The following FAM124B variants were observed in gnomAD, a reference collection of about 807,000 sequenced individuals.
FAM124B encodes the protein family with sequence similarity 124 member B, also known as protein FAM124B.
A neutral mutation model predicts 19.7 loss-of-function variants in FAM124B; 18 were observed. The observed-to-expected ratio is 0.92, with a 90% CI of 0.63 to 1.36. FAM124B has a LOEUF of 1.36. Ranked by LOEUF, FAM124B falls within the 40% of genes most tolerant of loss-of-function variation. FAM124B has a pLI of 0.00. For missense variants in FAM124B, 540 were observed against 553.3 expected, an observed-to-expected ratio of 0.98 and a Z score of 0.24; for synonymous variants, 223 against 225.2, an observed-to-expected ratio of 0.99 and a Z score of 0.09.
intron 1 of FAM124B, among the ~76,000 whole-genome samples, chr2:224,382,998 T>C (rs930852182): frequency 3.9e-5 from 6 of 152,046 alleles, no homozygotes; most frequent in African/African-American, 1.4e-4. Flanking sequence ...GAAGAGAGCT[T>C]CCACCAGCAT....
At chr2:224,389,055 C>A (rs1417812765) in intron 1 of FAM124B, among the ~76,000 whole-genome samples, 2 of 152,200 alleles carry the variant, frequency 1.3e-5, no homozygotes, top group African/African-American at 2.4e-5. Flanking sequence ...CCTCAGCCTC[C>A]CGTGTAGCTG....
intron 1 of FAM124B, among the ~76,000 whole-genome samples, chr2:224,391,758 T>C (rs572768403): frequency 3.3e-4 from 50 of 152,334 alleles, no homozygotes; most frequent in African/African-American, 1.2e-3. Flanking sequence ...CGGGTGACTA[T>C]AGGCAAGTTG....
intron 1 of FAM124B, among the ~76,000 whole-genome samples, chr2:224,386,469 C>T (rs1689801401): frequency 6.6e-6 from 1 of 152,120 alleles, no homozygotes; most frequent in African/African-American, 2.4e-5. Flanking sequence ...CCCTCAGTTT[C>T]CTTATATGGA....
intron 1 of FAM124B, among the ~76,000 whole-genome samples, chr2:224,385,212 A>G (rs771528398): frequency 5.6e-4 from 85 of 152,184 alleles, no homozygotes; most frequent in Admixed American, 1.4e-3. Context: ...TACCACTCCA[A>G]TGAAATTGCT....
chr2:224,380,126 A>T lies in FAM124B; in HGVS notation c.815T>A (p.Val272Asp), dbSNP rs1402464592. The change falls in exon 2 of 2, where the codon GTC (valine) becomes GAC (aspartate). Residue 272 changes from valine to aspartate, a missense_variant. Physicochemically the swap from Val to Asp is radical, Grantham distance 152. Transcript: ENST00000409685. The part of the protein sequence containing the change: ...MLPLGSRLTS[V>D]SAKRTSEPRS... Reference sequence around the variant, plus strand: ...GGGTTCTGAGGTCCTCTTTGCAGAGACAGAAGTCAGCCTGGAGCCCAGGGG... The same window carrying T: ...GGGTTCTGAGGTCCTCTTTGCAGAGTCAGAAGTCAGCCTGGAGCCCAGGGG... 6.4e-7 allele frequency: 1 copy of T among 1,551,574 alleles called. No homozygotes were observed. The highest frequency in any genetic ancestry group is 8.7e-7 in the Non-Finnish European group (1 of 1,146,968).
At chr2:224,391,079 A>G (rs1248245312) in intron 1 of FAM124B, among the ~76,000 whole-genome samples, 1 of 150,132 alleles carries the variant, frequency 6.7e-6, no homozygotes, top group Non-Finnish European at 1.5e-5. Flanking sequence ...GCGGTGGCTC[A>G]TGCCTGTAAT....
intron 1 of FAM124B, among the ~76,000 whole-genome samples, chr2:224,381,461 C>G (rs1451151653): frequency 6.6e-6 from 1 of 150,800 alleles, no homozygotes; most frequent in African/African-American, 2.4e-5. Context: ...ATGATGCCAA[C>G]TATATGACAC....
At chr2:224,398,227 A>C (rs1208705376) in intron 1 of FAM124B, among the ~76,000 whole-genome samples, 6 of 152,118 alleles carry the variant, frequency 3.9e-5, no homozygotes, top group Non-Finnish European at 7.3e-5. Flanking sequence ...CCTCCCGAGT[A>C]GCTGGGACTA....
rs532182953 is a variant in FAM124B at position 224,396,725 on chromosome 2, G to A, written c.732+4312C>T. Among the ~76,000 whole-genome samples, 6 of 152,318 alleles carry A rather than the reference G, an allele frequency of 3.9e-5. No individual in the cohort carries two copies. The South Asian group carries it at 1.0e-3, about 26-fold the overall frequency. On this transcript the variant is annotated intron_variant, in intron 1 of 1. Coordinates refer to ENST00000409685, the MANE Select transcript of FAM124B (RefSeq NM_001122779.2). ...TCCATATAATCTCACTTTCCTGCAC[G>A]TAATAATTGATTTAGAGAAGAGAAT...
rs1689684431 is a variant in FAM124B, at chr2:224,379,802, C to T, written c.1139G>A (p.Gly380Asp). 3.2e-6 allele frequency: 5 copies of T among 1,551,780 alleles called. No homozygotes were observed. In the Middle Eastern group the frequency reaches 5.0e-4, roughly 155 times the overall value. ...GGTCTGTAAATCCCTTGGAAATCCGCCAAAATAAGTCTGCCTGGGTTCAGA... is the reference window on the plus strand; with the variant it reads ...GGTCTGTAAATCCCTTGGAAATCCGTCAAAATAAGTCTGCCTGGGTTCAGA... The part of the protein sequence containing the change: ...INSEPRQTYF[G>D]GFPRDLQTSQ... Residue 380 changes from glycine (G) to aspartate (D), a missense_variant, in exon 2 of 2, where the codon GGC becomes GAC. Transcript: ENST00000409685.
In FAM124B at chr2:224,401,088, G is replaced by A. The variant is rs779739106; in HGVS notation, c.681C>T (p.Ser227=). The stretch of plus-strand genomic sequence containing the variant: ...AGTCCTGAGTCTGCCACCTGGTGCT[G>A]CTGATAGGCATGCATGGATTGGGTA... ...PLLPNPCMPI[S]STRWQTQDYD... The change falls in exon 1 of 2, where the codon AGC becomes AGT. Residue 227 remains serine (S), a synonymous_variant. Transcript: ENST00000409685. 2 of 1,613,310 alleles carry A rather than the reference G, an allele frequency of 1.2e-6. No individual in the cohort carries two copies. The highest frequency in any genetic ancestry group is 1.7e-5 in the Admixed American group (1 of 59,958).
rs1275934815 is a variant in FAM124B at position 224,401,235 on chromosome 2, G to A, written c.534C>T (p.Ala178=). Reference sequence around the variant, plus strand: ...AGAGCTGCAGAGCAAAGCTCTTGGAGGCATAGAGCACGAAGAAACAAAAAT... The same window carrying A: ...AGAGCTGCAGAGCAAAGCTCTTGGAAGCATAGAGCACGAAGAAACAAAAAT... ...KSNFCFFVLY[A]SKSFALQLSL... is the part of the protein sequence containing the mutation. The change falls in exon 1 of 2, where the codon GCC becomes GCT. Residue 178 remains alanine, a synonymous_variant. Transcript: ENST00000409685. 3.1e-6 allele frequency: 5 copies of A among 1,614,032 alleles called. No individual in the cohort carries two copies. The highest frequency in any genetic ancestry group is 1.1e-5 in the South Asian group (1 of 91,082).
In FAM124B at chr2:224,401,227, C is replaced by T. The variant is rs2106091437; in HGVS notation, c.542G>A (p.Ser181Asn). The T allele has an allele frequency of 1.9e-6, 3 of 1,614,122 alleles. No individual in the cohort carries two copies. The highest frequency in any genetic ancestry group is 1.1e-5 in the South Asian group (1 of 91,076). ...CTTCAGGGAGAGCTGCAGAGCAAAG[C>T]TCTTGGAGGCATAGAGCACGAAGAA... The part of the protein sequence containing the change: ...FCFFVLYASK[S>N]FALQLSLKQL... The change falls in exon 1 of 2, where the codon AGC (serine) becomes AAC (asparagine). Residue 181 changes from serine (S) to asparagine (N), a missense_variant. By Grantham distance (46) the Ser-to-Asn change is conservative. Transcript: ENST00000409685.
At chr2:224,400,490 A>T (rs769465416) in intron 1 of FAM124B, 3 of 696,300 alleles carry the variant, frequency 4.3e-6, no homozygotes, top group Non-Finnish European at 7.8e-6. Flanking sequence ...TGGGCAACAG[A>T]GGAAGACTCC....
At chr2:224,397,269 C>A (rs1180855382) in intron 1 of FAM124B, among the ~76,000 whole-genome samples, 3 of 152,112 alleles carry the variant, frequency 2.0e-5, no homozygotes, top group Non-Finnish European at 1.5e-5. Context: ...TCTGCACAAG[C>A]CCTCTCTTTG....
At chr2:224,398,369 A>G (rs917759657) in intron 1 of FAM124B, among the ~76,000 whole-genome samples, 2 of 152,098 alleles carry the variant, frequency 1.3e-5, no homozygotes, top group Admixed American at 6.6e-5. Context: ...AAGTGCTAGT[A>G]TTACAGGCCT....
chr2:224,395,629 A>G (rs568812043), intron 1 of FAM124B, among the ~76,000 whole-genome samples: 114 of 152,390 alleles, frequency 7.5e-4, no homozygotes, highest in Non-Finnish European at 1.4e-3. Flanking sequence ...TGTCTGGCCC[A>G]GAGCAAGAAC....
In FAM124B at chr2:224,401,519, G is replaced by A. The variant is rs1280865122; in HGVS notation, c.250C>T (p.Arg84Cys). Residue 84 changes from arginine (R) to cysteine (C), a missense_variant, in exon 1 of 2, where the codon CGC becomes TGC. Physicochemically the swap from Arg to Cys is radical, Grantham distance 180. Transcript: ENST00000409685. ...HESPGEDRLF[R>C]VLDSLQHSPW... ...GAATGCTGGAGAGAGTCCAGGACGC[G>A]AAATAGCCTATCCTCTCCCGGGCTT... 4 of 1,614,100 alleles carry A rather than the reference G, an allele frequency of 2.5e-6. No homozygotes were observed. Among genetic ancestry groups the A allele is most frequent in the Admixed American group, 3.3e-5 (2 of 60,012 alleles).
Position 224,380,212 on chromosome 2 carries a change from C to T in FAM124B, c.733-4G>A. The T allele has an allele frequency of 6.5e-7, 1 of 1,534,276 alleles. No individual in the cohort carries two copies. Among genetic ancestry groups the T allele is most frequent in the South Asian group, 1.2e-5 (1 of 82,578 alleles). ...CAAGTTCTGGATTCAGCTGAACCTA[C>T]AGGAAAGGAAAGGAGGAACATATGA... On this transcript the variant is annotated splice_polypyrimidine_tract_variant and splice_region_variant and intron_variant, in intron 1 of 1. Transcript: ENST00000409685.
Sources: gnomAD v4.1 joint callset for allele counts (sites outside exome capture counted in the v4.1 genomes callset) on GRCh38, gnomAD v4.1.1 for gene constraint, MANE v1.5 for transcripts, NCBI Gene and HGNC (gene_info 2026-07-23, HGNC 2026-07-21) for gene names.